The following BTRC variants were observed in gnomAD, a reference collection of about 807,000 sequenced individuals.
BTRC encodes beta-transducin repeat containing E3 ubiquitin protein ligase, also known as F-box/WD repeat-containing protein 1A.
BTRC carries 42 observed loss-of-function variants against 85.5 expected under a neutral mutation model. That is an observed-to-expected ratio of 0.49 (90% CI 0.38 to 0.64). The LOEUF (loss-of-function observed/expected upper bound fraction) is 0.64, where lower values mean the gene tolerates loss of function less well. Among genes scored for constraint, BTRC ranks in the 30% least tolerant of loss-of-function variants. The pLI, the probability that BTRC is intolerant of heterozygous loss-of-function variation, is 0.00. For synonymous variants in BTRC, 255 were observed against 263.3 expected (o/e 0.97, Z 0.30); for missense variants, 594 against 743.5 (o/e 0.80, Z 2.34).
intron 2 of BTRC, among the ~76,000 whole-genome samples, chr10:101,441,188 A>C (rs913543552): frequency 6.6e-6 from 1 of 152,246 alleles, no homozygotes; most frequent in Non-Finnish European, 1.5e-5. Context: ...GAGGAATGCA[A>C]GTGTTTAAGA....
At chr10:101,443,064 A>G (rs1564775806) in intron 2 of BTRC, among the ~76,000 whole-genome samples, 1 of 151,816 alleles carries the variant, frequency 6.6e-6, no homozygotes, top group Non-Finnish European at 1.5e-5. Flanking sequence ...TTGTATTTTT[A>G]GTAGAGACGG....
At chr10:101,475,087 A>G (rs1945642310) in intron 3 of BTRC, among the ~76,000 whole-genome samples, 1 of 152,224 alleles carries the variant, frequency 6.6e-6, no homozygotes, top group Admixed American at 6.5e-5. Context: ...GACAACGCAA[A>G]AGAAATAACA....
intron 2 of BTRC, among the ~76,000 whole-genome samples, chr10:101,455,834 A>G (rs1194910774): frequency 6.6e-6 from 1 of 152,156 alleles, no homozygotes; most frequent in African/African-American, 2.4e-5. Flanking sequence ...ACAGGAAAGT[A>G]ACCTTTTTAG....
chr10:101,357,440 CAAAAA>C (rs11294551), intron 1 of BTRC, among the ~76,000 whole-genome samples: 885 of 85,794 alleles, frequency 0.01, 5 homozygotes, highest in Non-Finnish European at 0.013. Flanking sequence ...GACTCTGTCT[CAAAAA>C]AAAAAAAAAA....
chr10:101,368,440 A>AGT (rs888351241), intron 1 of BTRC, among the ~76,000 whole-genome samples: 4 of 144,754 alleles, frequency 2.8e-5, no homozygotes, highest in African/African-American at 1.0e-4. Context: ...AAGACACTTT[A>AGT]GTAGAACCTA....
chr10:101,418,826 A>G (rs1212699934), intron 1 of BTRC, among the ~76,000 whole-genome samples: 1 of 152,120 alleles, frequency 6.6e-6, no homozygotes, highest in East Asian at 1.9e-4. Context: ...CCCAGCATGC[A>G]TCAGCTCTTT....
intron 4 of BTRC, among the ~76,000 whole-genome samples, chr10:101,518,820 AC>A (rs2062059918): frequency 6.6e-6 from 1 of 150,606 alleles, no homozygotes. Context: ...TTAAAATGTC[AC>A]CTTTTTCAGG....
At chr10:101,539,716 G>GT (rs1462268146) in intron 13 of BTRC, among the ~76,000 whole-genome samples, 2 of 152,172 alleles carry the variant, frequency 1.3e-5, no homozygotes, top group East Asian at 3.8e-4. Context: ...AGGTCATATG[G>GT]TAAGTGTATG....
chr10:101,502,689 A>G (rs980095985), intron 4 of BTRC, among the ~76,000 whole-genome samples: 3 of 152,100 alleles, frequency 2.0e-5, no homozygotes, highest in Non-Finnish European at 4.4e-5. Flanking sequence ...ACCACAAGAC[A>G]TTTTACCACT....
At chr10:101,437,197 A>C (rs1484615268) in intron 2 of BTRC, among the ~76,000 whole-genome samples, 1 of 152,208 alleles carries the variant, frequency 6.6e-6, no homozygotes. Context: ...AGGGGTTTGC[A>C]GGGAATGACA....
chr10:101,527,474 C>T (rs1018974705), intron 6 of BTRC, among the ~76,000 whole-genome samples: 3 of 152,010 alleles, frequency 2.0e-5, no homozygotes, highest in Non-Finnish European at 2.9e-5. Flanking sequence ...TATTGTTGGC[C>T]GGGTGGGGTG....
intron 3 of BTRC, among the ~76,000 whole-genome samples, chr10:101,466,070 T>C (rs117352093): frequency 1.3e-5 from 2 of 152,314 alleles, no homozygotes; most frequent in East Asian, 3.9e-4. Flanking sequence ...AAGTACTCAT[T>C]ACTTTTTGAA....
intron 4 of BTRC, among the ~76,000 whole-genome samples, chr10:101,509,832 G>T (rs1431135536): frequency 1.3e-5 from 2 of 151,400 alleles, no homozygotes; most frequent in African/African-American, 4.9e-5. Context: ...AAAATTCTGG[G>T]ATTACAGGCA....
rs1344968451 is a variant in BTRC at position 101,534,920 on chromosome 10, C to T, written c.1347+10C>T. 9.3e-6 allele frequency: 15 copies of T among 1,605,202 alleles called. No individual in the cohort carries two copies. The highest frequency in any genetic ancestry group is 2.2e-5 in the East Asian group (1 of 44,666). On this transcript the variant is annotated intron_variant, in intron 10 of 14. Transcript: ENST00000370187. ...GGATAGAACTATAAAGGTAATAAGG[C>T]ATTTTTCAGTAAGTTTCCAACTTAG...
At position 101,465,317 on chromosome 10, in the gene BTRC, A is replaced by G. The variant is rs187500979; in HGVS notation, c.234+3259A>G. ...TTTAACATTGTTTTTAACTAATATTATAGTTGACATATATTATTCAAAAAT... is the reference window on the plus strand; with the variant it reads ...TTTAACATTGTTTTTAACTAATATTGTAGTTGACATATATTATTCAAAAAT... On this transcript the variant is annotated intron_variant, in intron 3 of 14. Coordinates refer to ENST00000370187, the MANE Select transcript of BTRC (RefSeq NM_033637.4). Among the ~76,000 whole-genome samples, 518 of 152,336 alleles carry G rather than the reference A, an allele frequency of 3.4e-3. 1 individual carries two copies. Among genetic ancestry groups the G allele is most frequent in the African/African-American group, 0.011 (478 of 41,578 alleles).
intron 13 of BTRC, among the ~76,000 whole-genome samples, chr10:101,548,524 G>A (rs1044964525): frequency 3.9e-5 from 6 of 152,186 alleles, no homozygotes; most frequent in African/African-American, 1.2e-4. Flanking sequence ...GGCTGAGGCC[G>A]GCAGATTGCC....
At chr10:101,535,895 G>C (rs1332410103) in intron 11 of BTRC, among the ~76,000 whole-genome samples, 1 of 152,174 alleles carries the variant, frequency 6.6e-6, no homozygotes, top group African/African-American at 2.4e-5. Flanking sequence ...GAATGACATA[G>C]ATATGATTAT....
At chr10:101,441,616 A>G (rs985616217) in intron 2 of BTRC, among the ~76,000 whole-genome samples, 1 of 152,174 alleles carries the variant, frequency 6.6e-6, no homozygotes, top group African/African-American at 2.4e-5. Context: ...GTGGTGGCTC[A>G]TGCCTATAAT....
intron 1 of BTRC, among the ~76,000 whole-genome samples, chr10:101,409,738 A>C (rs1243390672): frequency 1.3e-5 from 2 of 152,230 alleles, no homozygotes; most frequent in Non-Finnish European, 2.9e-5. Context: ...ACCATGGTAT[A>C]TGCAGTTCAT....
Sources: allele counts gnomAD v4.1 joint callset (sites outside exome capture counted in the v4.1 genomes callset), GRCh38; gene constraint gnomAD v4.1.1; transcripts MANE v1.5; gene names NCBI Gene and HGNC (gene_info 2026-07-23, HGNC 2026-07-21).